WDFY4: variants seen among roughly 807,000 people sequenced by gnomAD.
The protein encoded by WDFY4 is WD repeat- and FYVE domain-containing protein 4.
WDFY4 carries 169 observed loss-of-function variants against 351.9 expected under a neutral mutation model. The ratio of observed to expected loss-of-function variants is 0.48; its 90% CI spans 0.42 to 0.55. The LOEUF (loss-of-function observed/expected upper bound fraction) is 0.55. Among genes scored for constraint, WDFY4 ranks in the 20% least tolerant of loss-of-function variants. The pLI, the probability that WDFY4 is intolerant of heterozygous loss-of-function variation, is 0.00. For synonymous variants in WDFY4, 1,622 were observed against 1,574.6 expected, an observed-to-expected ratio of 1.03 and a Z score of -0.71; for missense variants, 3,803 against 3,935.6, an observed-to-expected ratio of 0.97 and a Z score of 0.90.
intron 54 of WDFY4, 67 bp downstream of exon 54, chr10:48,964,121 C>G (rs928847211): frequency 6.7e-7 from 1 of 1,500,890 alleles, no homozygotes; most frequent in Non-Finnish European, 9.1e-7. Flanking sequence ...GACATTCTCT[C>G]CTGGGGTGAA....
intron 20 of WDFY4, among the ~76,000 whole-genome samples, chr10:48,787,881 TC>T (rs1565198161): frequency 3.2e-5 from 3 of 92,964 alleles, no homozygotes; most frequent in African/African-American, 2.4e-4. Context: ...CTTCTTTCTT[TC>T]TTCTTCTTCT....
chr10:48,862,789 G>A (rs555683853), intron 39 of WDFY4, among the ~76,000 whole-genome samples: 1 of 152,252 alleles, frequency 6.6e-6, no homozygotes, highest in African/African-American at 2.4e-5. Context: ...TATATTCCCA[G>A]ATATGTGCCA....
chr10:48,757,180 G>A (rs758739788), intron 12 of WDFY4, among the ~76,000 whole-genome samples: 3 of 152,078 alleles, frequency 2.0e-5, no homozygotes, highest in South Asian at 2.1e-4. Context: ...GAAGAAAACC[G>A]TTTGAAGGTA....
At position 48,776,897 on chromosome 10, in the gene WDFY4, C is replaced by G; in HGVS notation, c.3011C>G (p.Ser1004Cys). The G allele has an allele frequency of 6.4e-7, 1 of 1,552,130 alleles. No homozygotes were observed. The highest frequency in any genetic ancestry group is 1.2e-5 in the South Asian group (1 of 84,062). The change falls in exon 16 of 62, where the codon TCC (serine) becomes TGC (cysteine). Residue 1004 changes from serine (S) to cysteine (C), a missense_variant. Physicochemically the swap from Ser to Cys is moderately radical, Grantham distance 112 (BLOSUM62 -1). Coordinates refer to ENST00000325239, the MANE Select transcript of WDFY4 (RefSeq NM_001394531.1). ...TALQTALSLI[S>C]MTSPRNLQPQ... is the part of the protein sequence containing the mutation. ...CTTCAGACGGCGCTGAGCCTCATCT[C>G]CATGACCTCCCCACGCAACCTGCAG...
chr10:48,934,601 G>A (rs760766907), intron 47 of WDFY4, among the ~76,000 whole-genome samples: 9 of 152,216 alleles, frequency 5.9e-5, no homozygotes, highest in African/African-American at 1.7e-4. Context: ...TTATTAGTGG[G>A]TTCTAGTGTT....
chr10:48,921,416 T>A (rs1589895931), intron 47 of WDFY4, among the ~76,000 whole-genome samples: 1 of 152,216 alleles, frequency 6.6e-6, no homozygotes, highest in Non-Finnish European at 1.5e-5. Flanking sequence ...GTTATTTATA[T>A]GCAAAAATTA....
chr10:48,827,029 G>C (rs756664444), intron 36 of WDFY4, 120 bp downstream of exon 36: 115 of 839,322 alleles, frequency 1.4e-4, no homozygotes, highest in Non-Finnish European at 1.9e-4. Context: ...TTGTTTATCT[G>C]GTCTTCCATA....
intron 39 of WDFY4, among the ~76,000 whole-genome samples, chr10:48,833,172 T>TGTGAGAGAGA (rs372781295): frequency 5.9e-5 from 8 of 135,818 alleles, no homozygotes; most frequent in African/African-American, 1.7e-4. Flanking sequence ...TGTGTGTGTG[T>TGTGAGAGAGA]GAGAGAGAGA....
intron 37 of WDFY4, among the ~76,000 whole-genome samples, chr10:48,829,970 A>G (rs1037533634): frequency 6.6e-6 from 1 of 152,250 alleles, no homozygotes; most frequent in Non-Finnish European, 1.5e-5. Flanking sequence ...ACAGAGGTAC[A>G]TACTTTGGGA....
intron 28 of WDFY4, among the ~76,000 whole-genome samples, chr10:48,809,380 AATCACCATCACCACCAACAGCATC>A (rs2067371317): frequency 7.0e-6 from 1 of 141,918 alleles, no homozygotes; most frequent in South Asian, 2.3e-4. Flanking sequence ...TCACCACATT[AATCACCATCACCACCAACAGCATC>A]ATCACCATCA....
intron 47 of WDFY4, among the ~76,000 whole-genome samples, chr10:48,939,219 T>C (rs1050941038): frequency 1.3e-5 from 2 of 152,148 alleles, no homozygotes; most frequent in Non-Finnish European, 2.9e-5. Flanking sequence ...GCACTCTCCT[T>C]CCTCCAAGAG....
intron 44 of WDFY4, among the ~76,000 whole-genome samples, chr10:48,894,686 C>T (rs1347811863): frequency 2.0e-5 from 3 of 152,190 alleles, no homozygotes; most frequent in Non-Finnish European, 2.9e-5. Flanking sequence ...CTTGTAGGGT[C>T]TGCAGGGGAG....
intron 18 of WDFY4, 69 bp downstream of exon 18, chr10:48,778,901 C>A: frequency 6.7e-7 from 1 of 1,502,492 alleles, no homozygotes; most frequent in Non-Finnish European, 9.0e-7. Context: ...CAGAAGCTCT[C>A]AACACAGGTG....
chr10:48,957,402 CG>C (rs1841647610), intron 52 of WDFY4, 120 bp downstream of exon 52: 5 of 1,259,676 alleles, frequency 4.0e-6, no homozygotes, highest in Non-Finnish European at 5.5e-6. Flanking sequence ...ACCTCAACTT[CG>C]GGTGAGGTCT....
At position 48,913,499 on chromosome 10, in the gene WDFY4, G is replaced by T. The variant is rs115680792; in HGVS notation, c.7586+11636G>T. On this transcript the variant is annotated intron_variant, in intron 47 of 61. Transcript: ENST00000325239. ...CCATGTTCTTGATTCTATTCAGGTT[G>T]TCCCGGGCGTTTTGGCATTTTCTCA... 158 of 1,613,730 alleles carry T rather than the reference G, an allele frequency of 9.8e-5. No individual in the cohort carries two copies. The African/African-American group carries it at 2.0e-3, about 20-fold the overall frequency.
At chr10:48,981,237 C>A in intron 60 of WDFY4, 130 bp from the exon 61 acceptor site, 1 of 749,658 alleles carries the variant, frequency 1.3e-6, no homozygotes, top group Non-Finnish European at 2.2e-6. Flanking sequence ...ATATTTCCCC[C>A]TCAATTTAAC....
chr10:48,944,574 C>G (rs972559046), intron 49 of WDFY4, among the ~76,000 whole-genome samples: 4 of 152,230 alleles, frequency 2.6e-5, no homozygotes, highest in African/African-American at 9.6e-5. Context: ...GCTTGGATGG[C>G]AGACCTTCAG....
intron 39 of WDFY4, among the ~76,000 whole-genome samples, chr10:48,839,761 G>A (rs888959852): frequency 4.6e-5 from 7 of 152,236 alleles, no homozygotes; most frequent in Non-Finnish European, 1.0e-4. Context: ...AGTCTTTTGA[G>A]TACGTAATTA....
rs115482557 is a variant in WDFY4 at position 48,751,240 on chromosome 10, C to G, written c.2459+7692C>G. Among the ~76,000 whole-genome samples the G allele has an allele frequency of 4.0e-3, 613 of 152,244 alleles. 2 individuals are homozygous for G. Among genetic ancestry groups the G allele is most frequent in the African/African-American group, 0.014 (569 of 41,528 alleles). On this transcript the variant is annotated intron_variant, in intron 12 of 61. Transcript: ENST00000325239. ...AGCGAGGCGTTCCTGGATGAGGAGA[C>G]CACTGAGCTAAACATTTAAAGATGA...
Sources: allele counts gnomAD v4.1 joint callset (sites outside exome capture counted in the v4.1 genomes callset), GRCh38; gene constraint gnomAD v4.1.1; transcripts MANE v1.5; gene names NCBI Gene and HGNC (gene_info 2026-07-23, HGNC 2026-07-21).